The following PRDM11 variants were observed in gnomAD, a reference collection of about 807,000 sequenced individuals.
The protein encoded by PRDM11 is PR/SET domain 11.
PRDM11 carries 20 observed loss-of-function variants against 97.8 expected under a neutral mutation model. The observed-to-expected ratio is 0.20, with a 90% CI of 0.14 to 0.30. PRDM11 has a LOEUF of 0.30. Ranked by LOEUF, PRDM11 falls within the 10% of genes least tolerant of loss-of-function variation. PRDM11 has a pLI of 1.00. For synonymous variants in PRDM11, 599 were observed against 637.7 expected, an observed-to-expected ratio of 0.94 and a Z score of 0.91; for missense variants, 1,139 against 1,555.2, an observed-to-expected ratio of 0.73 and a Z score of 4.50.
In PRDM11 at chr11:45,183,231, C is replaced by A. The variant is rs1233725691; in HGVS notation, c.486+108C>A. ...CTTGGCCCCAGAACTTTTCTACCAT[C>A]GCTTCTGGACCTGTCGATGATGGAT... On this transcript the variant is annotated intron_variant, in intron 4 of 7. Coordinates refer to ENST00000683152, the MANE Select transcript of PRDM11 (RefSeq NM_001384648.1). The A allele has an allele frequency of 4.4e-6, 6 of 1,362,528 alleles. No individual in the cohort carries two copies. The African/African-American group carries it at 4.4e-5, about 10-fold the overall frequency. The allele number at this position is 1,362,528 out of a possible 1,614,324, so 84.4% of individuals were successfully genotyped here.
intron 1 of PRDM11, among the ~76,000 whole-genome samples, chr11:45,127,966 G>C (rs1852619748): frequency 6.6e-6 from 1 of 152,250 alleles, no homozygotes; most frequent in Admixed American, 6.5e-5. Context: ...TACAGAGGCA[G>C]GCAGGCCTCC....
rs1854051061 is a variant in PRDM11, at chr11:45,219,507, G to A, written c.555-63G>A. Reference sequence around the variant, plus strand: ...TCCACACTTGCCCAGCACTGTGCCGGCACCAGCGGGCACTCAACAAAGGGT... The same window carrying A: ...TCCACACTTGCCCAGCACTGTGCCGACACCAGCGGGCACTCAACAAAGGGT... On this transcript the variant is annotated intron_variant, in intron 5 of 7. Coordinates refer to ENST00000683152, the MANE Select transcript of PRDM11 (RefSeq NM_001384648.1). This position sits in a 1 kb window ranked among gnomAD's most constrained non-coding sequence, Gnocchi z 4.2. 6.8e-6 allele frequency: 10 copies of A among 1,469,280 alleles called. No homozygotes were observed. Among genetic ancestry groups the A allele is most frequent in the Middle Eastern group, 1.8e-4 (1 of 5,630 alleles). The allele number at this position is 1,469,280 out of a possible 1,614,324, so 91.0% of individuals were successfully genotyped here.
At chr11:45,182,448 A>G in intron 3 of PRDM11, 99 bp downstream of exon 3, 1 of 1,089,774 alleles carries the variant, frequency 9.2e-7, no homozygotes, top group Non-Finnish European at 1.3e-6. Flanking sequence ...ATAGGTCCTC[A>G]CCTGCAATAT....
chr11:45,167,513 G>A (rs1340150339), intron 1 of PRDM11, among the ~76,000 whole-genome samples: 1 of 152,152 alleles, frequency 6.6e-6, no homozygotes, highest in African/African-American at 2.4e-5. Flanking sequence ...TGCACCAGAA[G>A]AACTCAGGGC....
At position 45,227,263 on chromosome 11, in the gene PRDM11, C is replaced by T; in HGVS notation, c.2638C>T (p.Leu880Phe). 6.5e-7 allele frequency: 1 copy of T among 1,534,000 alleles called. No individual in the cohort carries two copies. Among genetic ancestry groups the T allele is most frequent in the Non-Finnish European group, 8.7e-7 (1 of 1,146,742 alleles). The change falls in exon 8 of 8, where the codon CTC becomes TTC. Residue 880 changes from leucine to phenylalanine, a missense_variant. By Grantham distance (22) the Leu-to-Phe change is conservative. Transcript: ENST00000683152. The surrounding 1 kb of genome is among the most constrained non-coding windows in gnomAD (Gnocchi z 8.0). ...CCTCATGGACTACCAGTCCATCAAG[C>T]TCATCTACTTCCTGCTGGACGTGAT... ...QFLMDYQSIK[L>F]IYFLLDVIAV...
intron 4 of PRDM11, among the ~76,000 whole-genome samples, chr11:45,197,442 T>A (rs942744810): frequency 3.9e-5 from 6 of 152,112 alleles, no homozygotes; most frequent in Non-Finnish European, 8.8e-5. Flanking sequence ...GAGCCTATAG[T>A]TTACTGTATT....
chr11:45,187,007 A>G (rs1445125292), intron 4 of PRDM11, among the ~76,000 whole-genome samples: 1 of 152,132 alleles, frequency 6.6e-6, no homozygotes, highest in Admixed American at 6.5e-5. Context: ...TCACATACAC[A>G]GAGCAACTCC....
chr11:45,195,012 A>T (rs1853067375), intron 4 of PRDM11, among the ~76,000 whole-genome samples: 1 of 151,742 alleles, frequency 6.6e-6, no homozygotes, highest in Non-Finnish European at 1.5e-5. Context: ...TCTCCAGTTC[A>T]TCATCTCCAG....
rs564598710 is a variant in PRDM11, at chr11:45,132,897, A to C, written c.96+36996A>C. On this transcript the variant is annotated intron_variant, in intron 1 of 6. Transcript: ENST00000530656. Reference sequence around the variant, plus strand: ...CCAGGGACAGCAAAGATTGAGCAAAACCCAGGAAAATACTGATGGCTCAGC... The same window carrying C: ...CCAGGGACAGCAAAGATTGAGCAAACCCCAGGAAAATACTGATGGCTCAGC... Among the ~76,000 whole-genome samples, 65 of 152,262 alleles carry C rather than the reference A, an allele frequency of 4.3e-4. No homozygotes were observed. In the South Asian group the frequency reaches 0.013, roughly 31 times the overall value.
At chr11:45,113,815 TGTGTG>T (rs1295068085) in intron 1 of PRDM11, among the ~76,000 whole-genome samples, 76 of 138,080 alleles carry the variant, frequency 5.5e-4, no homozygotes, top group African/African-American at 2.1e-3. Flanking sequence ...TGTGTGTGTG[TGTGTG>T]TGTGTTTTGT....
Position 45,113,832 on chromosome 11 carries a change from T to G in PRDM11, c.96+17931T>G, listed in dbSNP as rs1279876740. Among the ~76,000 whole-genome samples the G allele has an allele frequency of 1.1e-3, 169 of 149,250 alleles. 1 individual carries two copies. The highest frequency in any genetic ancestry group is 3.9e-3 in the African/African-American group (155 of 40,100). Reference sequence around the variant, plus strand: ...TGTGTGTGTGTGTGTGTGTTTTGTTTTTTTTTTTTTTTACAAAAAATCACA... The same window carrying G: ...TGTGTGTGTGTGTGTGTGTTTTGTTGTTTTTTTTTTTTACAAAAAATCACA... On this transcript the variant is annotated intron_variant, in intron 1 of 6. Coordinates refer to the PRDM11 transcript ENST00000530656.
upstream of PRDM11, chr11:45,146,533 A>T (rs1324365626): frequency 1.3e-5 from 2 of 150,628 alleles, no homozygotes; most frequent in East Asian, 4.0e-4. Context: ...GGGCCCCGGG[A>T]GTTTTCTCCG....
At chr11:45,225,880 C>A in intron 7 of PRDM11, 115 bp from the exon 8 acceptor site, 1 of 1,302,204 alleles carries the variant, frequency 7.7e-7, no homozygotes, top group Non-Finnish European at 1.0e-6. Context: ...TAGGCTTCCA[C>A]GGACTTCTGT....
chr11:45,119,626 A>G (rs1331457179), intron 1 of PRDM11, among the ~76,000 whole-genome samples: 8 of 130,064 alleles, frequency 6.2e-5, no homozygotes, highest in Non-Finnish European at 1.4e-4. Context: ...TCTCAAAAAA[A>G]AAAAAAAAAA....
At position 45,117,790 on chromosome 11, in the gene PRDM11, C is replaced by T. The variant is rs546384919; in HGVS notation, c.96+21889C>T. 3.3e-5 allele frequency among the ~76,000 whole-genome samples: 5 copies of T among 152,106 alleles called. No individual in the cohort carries two copies. In the South Asian group the frequency reaches 6.2e-4, roughly 19 times the overall value. On this transcript the variant is annotated intron_variant, in intron 1 of 6. Transcript: ENST00000530656. Reference sequence around the variant, plus strand: ...TAAAAAGAGGAGGAGCACAGCTCCCCACTCTTTAGGTATTGGCTGCAAATA... The same window carrying T: ...TAAAAAGAGGAGGAGCACAGCTCCCTACTCTTTAGGTATTGGCTGCAAATA...
intron 1 of PRDM11, among the ~76,000 whole-genome samples, chr11:45,166,089 C>G (rs1852057292): frequency 6.6e-6 from 1 of 152,204 alleles, no homozygotes; most frequent in Non-Finnish European, 1.5e-5. Flanking sequence ...CTGACTGAAA[C>G]TCAAGTCAAA....
In PRDM11 at chr11:45,125,209, A is replaced by G. The variant is rs1336944848; in HGVS notation, c.96+29308A>G. Among the ~76,000 whole-genome samples, 713 of 151,496 alleles carry G rather than the reference A, an allele frequency of 4.7e-3. 3 individuals carry two copies. Among genetic ancestry groups the G allele is most frequent in the African/African-American group, 0.015 (638 of 41,296 alleles). ...TATCCCCTTTATCATTTTTTATTGC[A>G]TCTATTTGATTCTTCTCTCTTTTCT... On this transcript the variant is annotated intron_variant, in intron 1 of 6. Transcript: ENST00000530656.
chr11:45,206,666 C>T (rs903073320), intron 5 of PRDM11, among the ~76,000 whole-genome samples: 4 of 152,200 alleles, frequency 2.6e-5, no homozygotes, highest in Non-Finnish European at 5.9e-5. Context: ...CTTATCTATC[C>T]TCTGGCACCC....
At chr11:45,121,482 T>C (rs1852428447) in intron 1 of PRDM11, among the ~76,000 whole-genome samples, 1 of 152,062 alleles carries the variant, frequency 6.6e-6, no homozygotes, top group Non-Finnish European at 1.5e-5. Flanking sequence ...ATGGGCAAAT[T>C]CAAAATCAGA....
Sources: gnomAD v4.1 joint callset for allele counts (sites outside exome capture counted in the v4.1 genomes callset) on GRCh38, gnomAD v4.1.1 for gene constraint, Gnocchi (gnomAD v3.1) non-coding constraint, MANE v1.5 for transcripts, NCBI Gene and HGNC (gene_info 2026-07-23, HGNC 2026-07-21) for gene names.